Variants in ST7 observed in about 807,000 individuals in gnomAD.
ST7 encodes the protein suppressor of tumorigenicity 7 protein.
A neutral mutation model predicts 78.7 loss-of-function variants in ST7; 28 were observed. That is an observed-to-expected ratio of 0.36 (90% CI 0.26 to 0.49). The LOEUF is 0.49. Ranked by LOEUF, ST7 falls within the 20% of genes least tolerant of loss-of-function variation. The pLI is 0.99. For missense variants in ST7, 418 were observed against 696.0 expected (o/e 0.60, Z 4.49); for synonymous variants, 247 against 249.6 (o/e 0.99, Z 0.10).
intron 1 of ST7, among the ~76,000 whole-genome samples, chr7:117,084,493 T>C (rs952706319): frequency 2.0e-5 from 3 of 152,092 alleles, no homozygotes; most frequent in Admixed American, 6.6e-5. Context: ...CTTAGAACAA[T>C]GGTTAGGAAC....
chr7:117,136,493 T>C, intron 8 of ST7: 2 of 582,266 alleles, frequency 3.4e-6, no homozygotes, highest in Admixed American at 6.5e-5. Context: ...GCAGTAACCT[T>C]TAATAGTAAC....
At position 116,953,506 on chromosome 7, in the gene ST7, C is replaced by G; in HGVS notation, c.-35C>G. 1 of 1,292,712 alleles carries G rather than the reference C, an allele frequency of 7.7e-7. No individual in the cohort carries two copies. The highest frequency in any genetic ancestry group is 1.0e-6 in the Non-Finnish European group (1 of 992,962). The allele number at this position is 1,292,712 out of a possible 1,614,324, so 80.1% of individuals were successfully genotyped here. On this transcript the variant is annotated 5_prime_UTR_variant, in exon 1 of 16. Coordinates refer to ENST00000323984, the MANE Select transcript of ST7 (RefSeq NM_001369598.1). The stretch of plus-strand genomic sequence containing the variant: ...GGCCGGTGAATCATCCCGGCAGACA[C>G]CAAGAGCCGCGGCAGCAGAGAGGAG...
At chr7:116,985,618 T>C (rs1366106985) in intron 1 of ST7, among the ~76,000 whole-genome samples, 1 of 152,194 alleles carries the variant, frequency 6.6e-6, no homozygotes, top group Admixed American at 6.5e-5. Flanking sequence ...GTCCCTTCTT[T>C]CATGAAGTTA....
intron 1 of ST7, among the ~76,000 whole-genome samples, chr7:117,053,719 T>C (rs1369732436): frequency 6.6e-6 from 1 of 152,186 alleles, no homozygotes; most frequent in Non-Finnish European, 1.5e-5. Flanking sequence ...TAGATGTAGA[T>C]GCTCTTATAA....
chr7:117,158,179 A>G (rs900645958), intron 9 of ST7, among the ~76,000 whole-genome samples: 1 of 152,234 alleles, frequency 6.6e-6, no homozygotes, highest in Non-Finnish European at 1.5e-5. Flanking sequence ...TCACTGAGGC[A>G]GGTAGAAGTG....
At chr7:117,162,233 C>T (rs1807214959) in intron 9 of ST7, among the ~76,000 whole-genome samples, 1 of 152,114 alleles carries the variant, frequency 6.6e-6, no homozygotes, top group Non-Finnish European at 1.5e-5. Flanking sequence ...TCTTAATGAA[C>T]TCTGTGTCCT....
chr7:116,965,616 A>T (rs1022169586), intron 1 of ST7, among the ~76,000 whole-genome samples: 1 of 152,184 alleles, frequency 6.6e-6, no homozygotes, highest in African/African-American at 2.4e-5. Context: ...AATGTTTTGT[A>T]CACTGTTTTT....
At chr7:116,964,893 T>C (rs1793021990) in intron 1 of ST7, among the ~76,000 whole-genome samples, 1 of 152,242 alleles carries the variant, frequency 6.6e-6, no homozygotes, top group Non-Finnish European at 1.5e-5. Context: ...ATCTAATCAA[T>C]TAAAGTTATT....
intron 1 of ST7, among the ~76,000 whole-genome samples, chr7:117,075,512 T>G (rs1252343857): frequency 4.6e-5 from 7 of 152,200 alleles, no homozygotes; most frequent in Non-Finnish European, 1.0e-4. Flanking sequence ...GCCCATTGTT[T>G]CCCTGCCATC....
intron 10 of ST7, chr7:117,187,720 A>G (rs1346179162): frequency 2.6e-5 from 4 of 152,222 alleles, no homozygotes; most frequent in Admixed American, 1.3e-4. Flanking sequence ...CCACCTTCAA[A>G]TAGTTATGAT....
intron 5 of ST7, among the ~76,000 whole-genome samples, chr7:117,131,474 C>T (rs2117023572): frequency 6.6e-6 from 1 of 151,948 alleles, no homozygotes; most frequent in East Asian, 1.9e-4. Flanking sequence ...TCAGAATGTT[C>T]TAACACCAAG....
At chr7:116,977,557 T>A (rs1793760355) in intron 1 of ST7, among the ~76,000 whole-genome samples, 2 of 152,234 alleles carry the variant, frequency 1.3e-5, no homozygotes, top group South Asian at 4.1e-4. Flanking sequence ...TGTTTTTATA[T>A]ATTTTTTTAT....
At position 117,022,974 on chromosome 7, in the gene ST7, A is replaced by G. The variant is rs1796000726; in HGVS notation, c.151+69283A>G. 5 of 152,286 alleles carry G rather than the reference A, an allele frequency of 3.3e-5. 1 individual carries two copies. In the South Asian group the frequency reaches 1.0e-3, roughly 32 times the overall value. 9.4% of individuals were successfully genotyped at this position (152,286 alleles called of 1,614,324 possible). A position where few individuals can be genotyped will look rare whatever the true frequency, so the allele number is the denominator to read the frequency against. ...GTTCTCTTGTGGCCTTTCCCAGTCA[A>G]TATTATTTCCCCTCTTCATGAAAAG... On this transcript the variant is annotated intron_variant, in intron 1 of 15. Coordinates refer to ENST00000323984, the MANE Select transcript of ST7 (RefSeq NM_001369598.1).
rs1429629257 is a variant in ST7 at position 117,204,801 on chromosome 7, G to A, written c.1255-4986G>A. On this transcript the variant is annotated intron_variant, in intron 12 of 15. Transcript: ENST00000323984. ...TGCTATCTCCAGTTATCTTTTGTTT[G>A]TATGTTTGTGTGTGTGTGTGGTTGT... Among the ~76,000 whole-genome samples, 4 of 152,120 alleles carry A rather than the reference G, an allele frequency of 2.6e-5. No homozygotes were observed. In the East Asian group the frequency reaches 7.7e-4, roughly 29 times the overall value.
At chr7:117,036,246 T>G (rs1209203388) in intron 1 of ST7, among the ~76,000 whole-genome samples, 1 of 152,254 alleles carries the variant, frequency 6.6e-6, no homozygotes, top group Non-Finnish European at 1.5e-5. Flanking sequence ...TTTCATGCAG[T>G]TAGCCACCTC....
chr7:117,171,773 T>C (rs1300216851), intron 10 of ST7, among the ~76,000 whole-genome samples: 1 of 152,128 alleles, frequency 6.6e-6, no homozygotes, highest in African/African-American at 2.4e-5. Context: ...TCAGTAACCA[T>C]CTTCCTAAAG....
intron 1 of ST7, among the ~76,000 whole-genome samples, chr7:117,061,205 T>C (rs1209157078): frequency 6.6e-6 from 1 of 151,556 alleles, no homozygotes; most frequent in East Asian, 1.9e-4. Flanking sequence ...TTAAAAGGAG[T>C]TTTGGGTCTC....
At chr7:117,195,016 G>A (rs1330744425) in intron 12 of ST7, among the ~76,000 whole-genome samples, 1 of 152,130 alleles carries the variant, frequency 6.6e-6, no homozygotes, top group Non-Finnish European at 1.5e-5. Flanking sequence ...TTTCCAAAAG[G>A]TGGACTAAAT....
intron 1 of ST7, among the ~76,000 whole-genome samples, chr7:117,083,642 C>A (rs1455650859): frequency 6.6e-6 from 1 of 151,916 alleles, no homozygotes; most frequent in African/African-American, 2.4e-5. Flanking sequence ...GGGATTAAAG[C>A]TATTATATAT....
Sources: gnomAD v4.1 joint callset for allele counts (sites outside exome capture counted in the v4.1 genomes callset) on GRCh38, gnomAD v4.1.1 for gene constraint, MANE v1.5 for transcripts, NCBI Gene and HGNC (gene_info 2026-07-23, HGNC 2026-07-21) for gene names.